CAB39L: variants seen among roughly 807,000 people sequenced by gnomAD.
The protein encoded by CAB39L is calcium binding protein 39 like, also known as calcium-binding protein 39-like.
Under a neutral mutation model 39.1 loss-of-function variants are expected in CAB39L, and 23 were observed. The observed-to-expected ratio is 0.59, with a 90% CI of 0.42 to 0.83. The LOEUF (loss-of-function observed/expected upper bound fraction) is 0.83, where lower values mean the gene tolerates loss of function less well. CAB39L is among the 40% of genes least tolerant of loss of function. CAB39L has a pLI of 0.00. For missense variants in CAB39L, 366 were observed against 391.9 expected, an observed-to-expected ratio of 0.93 and a Z score of 0.56; for synonymous variants, 126 against 137.2, an observed-to-expected ratio of 0.92 and a Z score of 0.57.
chr13:49,322,057 A>G (rs1198165858), intron 10 of CAB39L, among the ~76,000 whole-genome samples: 1 of 152,200 alleles, frequency 6.6e-6, no homozygotes, highest in Non-Finnish European at 1.5e-5. Context: ...GTATATTCAC[A>G]TAGTTGTGCA....
chr13:49,381,128 A>AT (rs1394417713), intron 4 of CAB39L, among the ~76,000 whole-genome samples: 2 of 152,070 alleles, frequency 1.3e-5, no homozygotes, highest in Non-Finnish European at 2.9e-5. Context: ...GGGTTTCACC[A>AT]TGTTGGCCAG....
chr13:49,338,152 T>C (rs1484299737), intron 9 of CAB39L, among the ~76,000 whole-genome samples: 2 of 152,144 alleles, frequency 1.3e-5, no homozygotes, highest in Non-Finnish European at 2.9e-5. Flanking sequence ...AAAATTTCGG[T>C]ATATACCCAA....
At chr13:49,327,784 G>T (rs1253017207) in intron 10 of CAB39L, among the ~76,000 whole-genome samples, 2 of 152,180 alleles carry the variant, frequency 1.3e-5, no homozygotes, top group African/African-American at 4.8e-5. Flanking sequence ...CCATTATTAT[G>T]TGCTATTGTA....
At chr13:49,425,471 G>A (rs1027697974) in intron 3 of CAB39L, among the ~76,000 whole-genome samples, 7 of 152,130 alleles carry the variant, frequency 4.6e-5, no homozygotes, top group Admixed American at 6.5e-5. Context: ...AAGTTCAGTT[G>A]TGCATTGCCA....
intron 10 of CAB39L, among the ~76,000 whole-genome samples, chr13:49,328,555 A>G (rs1954571321): frequency 6.6e-6 from 1 of 152,056 alleles, no homozygotes; most frequent in Non-Finnish European, 1.5e-5. Flanking sequence ...ATTTTCTATT[A>G]TGGCTGGGTA....
intron 6 of CAB39L, among the ~76,000 whole-genome samples, chr13:49,357,327 T>A (rs1332071662): frequency 1.3e-5 from 2 of 152,134 alleles, no homozygotes; most frequent in African/African-American, 4.8e-5. Context: ...AAAAATAATA[T>A]GTAGTCCTCA....
At chr13:49,351,742 G>A (rs959383789) in intron 6 of CAB39L, among the ~76,000 whole-genome samples, 20 of 152,192 alleles carry the variant, frequency 1.3e-4, no homozygotes, top group African/African-American at 4.8e-4. Context: ...GCAGAACAGA[G>A]GACTGTGGGC....
chr13:49,329,272 G>A (rs1801334320), intron 10 of CAB39L, among the ~76,000 whole-genome samples: 1 of 152,006 alleles, frequency 6.6e-6, no homozygotes, highest in African/African-American at 2.4e-5. Flanking sequence ...GATAATCCTA[G>A]GCTATTGCTC....
intron 10 of CAB39L, 148 bp downstream of exon 10, chr13:49,331,799 T>C: frequency 1.4e-6 from 1 of 709,384 alleles, no homozygotes. Context: ...AAGATAACTC[T>C]GAAATTTCAT....
intron 3 of CAB39L, among the ~76,000 whole-genome samples, chr13:49,394,418 C>A (rs551445689): frequency 2.0e-5 from 3 of 152,006 alleles, no homozygotes; most frequent in Non-Finnish European, 4.4e-5. Flanking sequence ...TTGCAACAGG[C>A]TCTCATTTCT....
intron 4 of CAB39L, 43 bp downstream of exon 4, chr13:49,382,757 G>A (rs199512515): frequency 3.4e-5 from 41 of 1,219,916 alleles, no homozygotes; most frequent in African/African-American, 2.1e-4. Context: ...TTGGCATTGC[G>A]ATGCATGTAC....
At chr13:49,385,176 C>T (rs2138599793) in intron 3 of CAB39L, among the ~76,000 whole-genome samples, 1 of 152,366 alleles carries the variant, frequency 6.6e-6, no homozygotes, top group East Asian at 1.9e-4. Context: ...TAACTTGCTG[C>T]AGCTTCTATA....
chr13:49,344,521 A>T (rs1593952480), intron 7 of CAB39L, among the ~76,000 whole-genome samples: 1 of 135,992 alleles, frequency 7.4e-6, no homozygotes, highest in African/African-American at 2.8e-5. Context: ...AGATGAGTTA[A>T]TTTTTTTTTT....
intron 9 of CAB39L, among the ~76,000 whole-genome samples, chr13:49,336,606 T>A (rs1170213444): frequency 2.0e-5 from 3 of 152,194 alleles, no homozygotes; most frequent in Non-Finnish European, 4.4e-5. Context: ...CAGTATCTGA[T>A]AGACTCCCAT....
At chr13:49,411,405 C>G (rs1438972176) in intron 3 of CAB39L, among the ~76,000 whole-genome samples, 1 of 139,936 alleles carries the variant, frequency 7.1e-6, no homozygotes, top group Non-Finnish European at 1.6e-5. Flanking sequence ...GAGAGACTCT[C>G]CTGAGAAAAA....
chr13:49,359,798 ATGT>A lies in CAB39L; in HGVS notation c.308_310del (p.Asn103del), dbSNP rs1955582996. 3 of 1,612,186 alleles carry A rather than the reference ATGT, an allele frequency of 1.9e-6. No homozygotes were observed. The South Asian group carries it at 3.3e-5, about 18-fold the overall frequency. On this transcript the variant is annotated inframe_deletion, in exon 6 of 11. Coordinates refer to ENST00000409308, the MANE Select transcript of CAB39L (RefSeq NM_001079670.3). ...CCGAGTGCCTATCTGTCTTCTCAAG[ATGT>A]TGTTAAATATCTGGGTCACATCTTT...
intron 1 of CAB39L, among the ~76,000 whole-genome samples, chr13:49,436,553 C>CTTTTTTTTTTTTTTT (rs57141770): frequency 1.4e-5 from 1 of 73,428 alleles, no homozygotes; most frequent in Non-Finnish European, 2.3e-5. Context: ...TTCTTTATGA[C>CTTTTTTTTTTTTTTT]TTTTTTTTTT....
rs915146609 is a variant in CAB39L at position 49,328,005 on chromosome 13, T to G, written c.834+3942A>C. Among the ~76,000 whole-genome samples, 7 of 152,350 alleles carry G rather than the reference T, an allele frequency of 4.6e-5. No homozygotes were observed. In the East Asian group the frequency reaches 1.2e-3, roughly 25 times the overall value. The stretch of plus-strand genomic sequence containing the variant: ...AACAAAACATGGTTATTCGAGGACT[T>G]GCTGTAATGTACATGGTTTTGTTTA... On this transcript the variant is annotated intron_variant, in intron 10 of 10. Transcript: ENST00000409308.
At chr13:49,401,251 C>T (rs1336139136) in intron 3 of CAB39L, 9 of 152,140 alleles carry the variant, frequency 5.9e-5, no homozygotes, top group Admixed American at 5.9e-4. Context: ...CTTTATCGTC[C>T]ATTTAATAGA....
Sources: gnomAD v4.1 joint callset for allele counts (sites outside exome capture counted in the v4.1 genomes callset) on GRCh38, gnomAD v4.1.1 for gene constraint, MANE v1.5 for transcripts, NCBI Gene and HGNC (gene_info 2026-07-23, HGNC 2026-07-21) for gene names.